The following ARHGAP28 variants were observed in gnomAD, a reference collection of about 807,000 sequenced individuals.
ARHGAP28 encodes rho GTPase-activating protein 28.
ARHGAP28 carries 56 observed loss-of-function variants against 90.7 expected under a neutral mutation model. That is an observed-to-expected ratio of 0.62 (90% CI 0.50 to 0.77). The LOEUF (loss-of-function observed/expected upper bound fraction) is 0.77. Among genes scored for constraint, ARHGAP28 ranks in the 30% least tolerant of loss-of-function variants. ARHGAP28 has a pLI of 0.00. For missense variants in ARHGAP28, 869 were observed against 900.9 expected, an observed-to-expected ratio of 0.96 and a Z score of 0.45; for synonymous variants, 308 against 323.3, an observed-to-expected ratio of 0.95 and a Z score of 0.51.
chr18:6,827,113 C>T (rs937067731), intron 2 of ARHGAP28, among the ~76,000 whole-genome samples: 8 of 152,162 alleles, frequency 5.3e-5, no homozygotes, highest in Admixed American at 1.3e-4. Context: ...GGCAACCATC[C>T]GATTTCTCAG....
At chr18:6,814,958 A>T (rs896981495) in intron 1 of ARHGAP28, among the ~76,000 whole-genome samples, 1 of 152,150 alleles carries the variant, frequency 6.6e-6, no homozygotes, top group Non-Finnish European at 1.5e-5. Flanking sequence ...ATTCTCTTTC[A>T]TAGATTCCTT....
intron 1 of ARHGAP28, among the ~76,000 whole-genome samples, chr18:6,803,257 C>G (rs1192124249): frequency 1.3e-5 from 2 of 152,120 alleles, no homozygotes; most frequent in Non-Finnish European, 2.9e-5. Context: ...TAGTACCCTT[C>G]TATTCCTAAT....
chr18:6,812,882 A>G (rs1320492351), intron 1 of ARHGAP28, among the ~76,000 whole-genome samples: 3 of 152,192 alleles, frequency 2.0e-5, no homozygotes, highest in Non-Finnish European at 2.9e-5. Context: ...TGAGGGTCCT[A>G]ATTATGACTG....
At chr18:6,898,544 C>T (rs2057320808) in intron 16 of ARHGAP28, 5 of 1,613,964 alleles carry the variant, frequency 3.1e-6, no homozygotes, top group Non-Finnish European at 3.4e-6. Context: ...ATGTATTCCT[C>T]TTCACTATTG....
intron 1 of ARHGAP28, among the ~76,000 whole-genome samples, chr18:6,801,080 A>G (rs1469921746): frequency 6.6e-6 from 1 of 152,180 alleles, no homozygotes; most frequent in Non-Finnish European, 1.5e-5. Flanking sequence ...CAAGGTCACA[A>G]AGATTTTTAT....
chr18:6,793,793 G>A (rs1200086160), intron 1 of ARHGAP28, among the ~76,000 whole-genome samples: 2 of 151,720 alleles, frequency 1.3e-5, no homozygotes, highest in Non-Finnish European at 1.5e-5. Flanking sequence ...AGTCAAAAAG[G>A]ATACTAGATG....
At chr18:6,763,817 G>T (rs1294520205) in intron 1 of ARHGAP28, among the ~76,000 whole-genome samples, 1 of 152,218 alleles carries the variant, frequency 6.6e-6, no homozygotes, top group Non-Finnish European at 1.5e-5. Flanking sequence ...TACAGGAGCC[G>T]AAGTGCAGCG....
chr18:6,912,025 G>A (rs1158440533), intron 17 of ARHGAP28, 35 bp from the exon 18 acceptor site: 2 of 1,421,278 alleles, frequency 1.4e-6, no homozygotes, highest in African/African-American at 1.4e-5. Flanking sequence ...ACACACAAAT[G>A]TACACTAATT....
intron 5 of ARHGAP28, among the ~76,000 whole-genome samples, chr18:6,865,572 C>T (rs1307925112): frequency 6.6e-6 from 1 of 152,006 alleles, no homozygotes; most frequent in Non-Finnish European, 1.5e-5. Context: ...AAACCATGGG[C>T]AAAAACCAAA....
chr18:6,758,667 A>G (rs1174197571), intron 1 of ARHGAP28, among the ~76,000 whole-genome samples: 1 of 152,214 alleles, frequency 6.6e-6, no homozygotes, highest in African/African-American at 2.4e-5. Flanking sequence ...CAGAAGGGAA[A>G]GGGTGAGAAA....
intron 1 of ARHGAP28, among the ~76,000 whole-genome samples, chr18:6,792,931 A>G (rs1490284796): frequency 6.6e-6 from 1 of 152,188 alleles, no homozygotes; most frequent in Non-Finnish European, 1.5e-5. Flanking sequence ...CCCTAAAGCT[A>G]CTTCCAGTAT....
intron 1 of ARHGAP28, among the ~76,000 whole-genome samples, chr18:6,749,118 A>G (rs2056048180): frequency 6.6e-6 from 1 of 152,248 alleles, no homozygotes; most frequent in Admixed American, 6.5e-5. Context: ...CAAAATCATA[A>G]CATTAGACAA....
In ARHGAP28 at chr18:6,866,682, A is replaced by C. The variant is rs138852610; in HGVS notation, c.727-1468A>C. Among the ~76,000 whole-genome samples, 24 of 152,280 alleles carry C rather than the reference A, an allele frequency of 1.6e-4. No homozygotes were observed. The East Asian group carries it at 3.9e-3, about 24-fold the overall frequency. ...GCTCAAGAGCAGGGATTATGACTCA[A>C]ATTTCTGCTTCCCCCAAGAAAGTCC... On this transcript the variant is annotated intron_variant, in intron 5 of 17. Coordinates refer to ENST00000383472, the MANE Select transcript of ARHGAP28 (RefSeq NM_001366230.1).
chr18:6,785,252 A>G (rs1208763634), intron 1 of ARHGAP28, among the ~76,000 whole-genome samples: 1 of 152,234 alleles, frequency 6.6e-6, no homozygotes, highest in Admixed American at 6.5e-5. Context: ...CAAGAGTAGT[A>G]GAACACTTTT....
At chr18:6,911,094 A>G (rs190296556) in intron 17 of ARHGAP28, among the ~76,000 whole-genome samples, 20 of 152,182 alleles carry the variant, frequency 1.3e-4, no homozygotes, top group African/African-American at 4.3e-4. Context: ...TCGGCCTCCC[A>G]AAGTGCTGGG....
chr18:6,823,106 G>C (rs529069943), intron 1 of ARHGAP28, among the ~76,000 whole-genome samples: 1 of 152,166 alleles, frequency 6.6e-6, no homozygotes, highest in African/African-American at 2.4e-5. Flanking sequence ...AGTTAGTCTT[G>C]GTCTTTTTGT....
At chr18:6,828,077 A>G (rs909240120) in intron 2 of ARHGAP28, among the ~76,000 whole-genome samples, 1 of 152,136 alleles carries the variant, frequency 6.6e-6, no homozygotes, top group Non-Finnish European at 1.5e-5. Flanking sequence ...CACTGAGTTA[A>G]CGAGACTCCG....
intron 16 of ARHGAP28, among the ~76,000 whole-genome samples, chr18:6,902,681 G>C (rs1738614616): frequency 1.3e-5 from 2 of 152,198 alleles, no homozygotes; most frequent in Admixed American, 1.3e-4. Flanking sequence ...TGCTGGCGAA[G>C]ATGAGAAGAA....
chr18:6,761,707 A>G (rs2056161366), intron 1 of ARHGAP28, among the ~76,000 whole-genome samples: 1 of 152,222 alleles, frequency 6.6e-6, no homozygotes, highest in Non-Finnish European at 1.5e-5. Flanking sequence ...TGACCTCCAA[A>G]TATGTACCTT....
Sources: allele counts gnomAD v4.1 joint callset (sites outside exome capture counted in the v4.1 genomes callset), GRCh38; gene constraint gnomAD v4.1.1; transcripts MANE v1.5; gene names NCBI Gene and HGNC (gene_info 2026-07-23, HGNC 2026-07-21).